The following DOC2A variants were observed in gnomAD, a reference collection of about 807,000 sequenced individuals.
DOC2A encodes double C2 domain alpha, also known as double C2-like domain-containing protein alpha.
A neutral mutation model predicts 40.6 loss-of-function variants in DOC2A; 28 were observed. The observed-to-expected ratio is 0.69, with a 90% CI of 0.51 to 0.95. The LOEUF (loss-of-function observed/expected upper bound fraction) is 0.95. Ranked by LOEUF, DOC2A falls within the 40% of genes least tolerant of loss-of-function variation. The probability of loss-of-function intolerance (pLI) is 0.00; values close to 1 mark genes in which losing one functional copy is unlikely to be tolerated. For missense variants in DOC2A, 474 were observed against 552.5 expected (o/e 0.86, Z 1.42); for synonymous variants, 241 against 236.9 (o/e 1.02, Z -0.16).
rs775517694 is a variant in DOC2A, at chr16:30,006,340, C to G, written c.1058-9G>C. ...CCCCAGGGACACGCCACCTGGGGAG[C>G]AGGTGGGCAGGGTCAGGGCCACCTC... On this transcript the variant is annotated splice_polypyrimidine_tract_variant and intron_variant, in intron 10 of 10. Transcript: ENST00000350119. The surrounding 1 kb of genome is among the most constrained non-coding windows in gnomAD (Gnocchi z 6.2). 1.2e-6 allele frequency: 2 copies of G among 1,612,128 alleles called. No homozygotes were observed. Among genetic ancestry groups the G allele is most frequent in the South Asian group, 2.2e-5 (2 of 91,062 alleles).
upstream of DOC2A, among the ~76,000 whole-genome samples, chr16:30,022,508 A>T (rs958961510): frequency 5.3e-5 from 8 of 151,846 alleles, no homozygotes; most frequent in Non-Finnish European, 1.0e-4. Flanking sequence ...TCATTTCTAC[A>T]AAAAATGCAA....
upstream of DOC2A, chr16:30,013,549 A>C (rs1278081780): frequency 2.1e-5 from 3 of 143,126 alleles, no homozygotes; most frequent in Non-Finnish European, 1.5e-5. Context: ...GGCTGCAGTA[A>C]GCTATAATCA....
chr16:30,011,074 G>C (rs570217825), upstream of DOC2A: 333 of 977,386 alleles, frequency 3.4e-4, no homozygotes, highest in African/African-American at 5.3e-3. Flanking sequence ...CAGCCGGCGC[G>C]GCGGCGGGGG....
Position 30,009,054 on chromosome 16 carries a change from T to A in DOC2A, c.469A>T (p.Asn157Tyr). 6.2e-7 allele frequency: 1 copy of A among 1,614,074 alleles called. No homozygotes were observed. The highest frequency in any genetic ancestry group is 8.5e-7 in the Non-Finnish European group (1 of 1,179,988). The stretch of plus-strand genomic sequence containing the variant: ...ATCCCGCTGTAAGTCAGGTCCTCAT[T>A]CCACACGGGATTCAGTGTGTTCCTC... Reference protein sequence around the residue: ...TQRNTLNPVWNEDLTYSGITD... With the variant: ...TQRNTLNPVWYEDLTYSGITD... The change falls in exon 5 of 11, where the codon AAT becomes TAT. Residue 157 changes from asparagine (N) to tyrosine (Y), a missense_variant. Transcript: ENST00000350119. The surrounding 1 kb of genome is among the most constrained non-coding windows in gnomAD (Gnocchi z 4.1).
chr16:30,019,856 T>A (rs770697878), intron 1 of DOC2A, among the ~76,000 whole-genome samples: 32 of 151,902 alleles, frequency 2.1e-4, no homozygotes, highest in Non-Finnish European at 4.4e-4. Context: ...TGCCTCAGAT[T>A]CCTGAGTAGC....
Position 30,010,347 on chromosome 16 carries a change from G to GT in DOC2A, c.-13-113dup. On this transcript the variant is annotated intron_variant, in intron 1 of 10. Transcript: ENST00000350119. The surrounding 1 kb of genome is among the most constrained non-coding windows in gnomAD (Gnocchi z 4.2). ...CCCTCACTGGCCTCCCTTCCTAGGT[G>GT]TCGAGGGAGAGGGTGGTGTGTGCCA... is the stretch of plus-strand genomic sequence containing the variant. 2.8e-6 allele frequency: 4 copies of GT among 1,447,568 alleles called. No homozygotes were observed. The highest frequency in any genetic ancestry group is 3.8e-6 in the Non-Finnish European group (4 of 1,046,102). The allele number at this position is 1,447,568 out of a possible 1,614,324, so 89.7% of individuals were successfully genotyped here.
In DOC2A at chr16:30,010,306, T is replaced by C. The variant is rs762625893; in HGVS notation, c.-13-71A>G. 7 of 1,591,220 alleles carry C rather than the reference T, an allele frequency of 4.4e-6. No homozygotes were observed. Among genetic ancestry groups the C allele is most frequent in the African/African-American group, 1.3e-5 (1 of 74,718 alleles). On this transcript the variant is annotated intron_variant, in intron 1 of 10. Coordinates refer to ENST00000350119, the MANE Select transcript of DOC2A (RefSeq NM_003586.3). The surrounding 1 kb of genome is among the most constrained non-coding windows in gnomAD (Gnocchi z 4.2). ...CCTGGCTGAGGGCCAGGCGACGGCC[T>C]CCTCGGTCTGTGGGGCCCTCACTGG...
chr16:30,008,355 T>G (rs1001118452), intron 5 of DOC2A: 2 of 156,528 alleles, frequency 1.3e-5, no homozygotes, highest in African/African-American at 4.8e-5. Context: ...CAGGAACGTT[T>G]TTGGGAGGGG....
upstream of DOC2A, among the ~76,000 whole-genome samples, chr16:30,014,190 AT>A: frequency 1.7e-5 from 1 of 57,916 alleles, no homozygotes; most frequent in South Asian, 5.6e-4. Flanking sequence ...TTTTTTTTAA[AT>A]ATACAAGGTC....
At chr16:30,018,103 CAAAAAAAAAAAAAAA>C (rs34061843) in intron 1 of DOC2A, among the ~76,000 whole-genome samples, 1 of 61,580 alleles carries the variant, frequency 1.6e-5, no homozygotes, top group South Asian at 6.9e-4. Context: ...CTATTTCTAC[CAAAAAAAAAAAAAAA>C]AAAAAAAAAA....
chr16:30,013,614 A>ATAAAATAAAATAAAAT (rs765064092), upstream of DOC2A: 1 of 143,928 alleles, frequency 6.9e-6, no homozygotes, highest in African/African-American at 2.6e-5. Flanking sequence ...AAAAAAAAAA[A>ATAAAATAAAATAAAAT]AAAAAAAAAA....
At position 30,010,189 on chromosome 16, in the gene DOC2A, T is replaced by G; in HGVS notation, c.34A>C (p.Asn12His). The G allele has an allele frequency of 6.2e-7, 1 of 1,613,998 alleles. No individual in the cohort carries two copies. The highest frequency in any genetic ancestry group is 8.5e-7 in the Non-Finnish European group (1 of 1,179,956). The change falls in exon 2 of 11, where the codon AAC becomes CAC. Residue 12 changes from asparagine (N) to histidine (H), a missense_variant. Physicochemically the swap from Asn to His is moderately conservative, Grantham distance 68. Coordinates refer to ENST00000350119, the MANE Select transcript of DOC2A (RefSeq NM_003586.3). This position sits in a 1 kb window ranked among gnomAD's most constrained non-coding sequence, Gnocchi z 4.2. ...TTGATGGCCATGTGCTCCTGGATGT[T>G]GATGGTCATGCGATCGCCCCTGCGG... Reference protein sequence around the residue: ...RGRRGDRMTINIQEHMAINVC... With the variant: ...RGRRGDRMTIHIQEHMAINVC...
rs1308083517 is a variant in DOC2A at position 30,005,781 on chromosome 16, G to A, written c.*405C>T. 5.6e-5 allele frequency: 26 copies of A among 465,146 alleles called. No individual in the cohort carries two copies. In the Admixed American group the frequency reaches 7.4e-4, roughly 13 times the overall value. The allele number at this position is 465,146 out of a possible 1,614,324, so 28.8% of individuals were successfully genotyped here. ...TCAATGAAGTTTCTGTATTAAAGGA[G>A]TGGCTCTGGGTTTGTTTTTTGTCCT... is the stretch of plus-strand genomic sequence containing the variant. On this transcript the variant is annotated 3_prime_UTR_variant, in exon 11 of 11. Coordinates refer to ENST00000350119, the MANE Select transcript of DOC2A (RefSeq NM_003586.3).
At chr16:30,007,115 G>A in intron 6 of DOC2A, 25 bp from the exon 7 acceptor site, 3 of 1,613,710 alleles carry the variant, frequency 1.9e-6, no homozygotes, top group Non-Finnish European at 1.7e-6. Context: ...AGAAGGTTCT[G>A]GAAGCCTGGC....
chr16:30,008,907 G>T (rs1197429297), intron 5 of DOC2A, 89 bp downstream of exon 5: 3 of 920,784 alleles, frequency 3.3e-6, no homozygotes, highest in East Asian at 4.8e-5. Flanking sequence ...GAGAGGTACG[G>T]GCTTAATGGG....
At chr16:30,018,411 C>A (rs1029396265) in intron 1 of DOC2A, among the ~76,000 whole-genome samples, 1 of 152,128 alleles carries the variant, frequency 6.6e-6, no homozygotes, top group African/African-American at 2.4e-5. Flanking sequence ...ACCTTGAACT[C>A]CTGGCCTCCA....
At chr16:30,020,585 G>C (rs2070897877) in intron 1 of DOC2A, among the ~76,000 whole-genome samples, 1 of 151,992 alleles carries the variant, frequency 6.6e-6, no homozygotes, top group African/African-American at 2.4e-5. Flanking sequence ...GCACACGCCT[G>C]TAATCCCAGC....
chr16:30,008,584 A>G, intron 5 of DOC2A: 1 of 249,044 alleles, frequency 4.0e-6, no homozygotes, highest in Non-Finnish European at 8.0e-6. Flanking sequence ...GCTCACTGCA[A>G]CCTCTGCCTC....
intron 1 of DOC2A, chr16:30,021,101 C>T (rs919208515): frequency 6.6e-6 from 1 of 151,968 alleles, no homozygotes; most frequent in Non-Finnish European, 1.5e-5. Flanking sequence ...GCCCCGCTGC[C>T]CCCTTTTTTT....
Sources: gnomAD v4.1 joint callset for allele counts (sites outside exome capture counted in the v4.1 genomes callset) on GRCh38, gnomAD v4.1.1 for gene constraint, Gnocchi (gnomAD v3.1) non-coding constraint, MANE v1.5 for transcripts, NCBI Gene and HGNC (gene_info 2026-07-23, HGNC 2026-07-21) for gene names.